Variants in DENND1A observed in about 807,000 individuals in gnomAD.
DENND1A encodes DENN domain-containing protein 1A.
Under a neutral mutation model 113.7 loss-of-function variants are expected in DENND1A, and 51 were observed. The ratio of observed to expected loss-of-function variants is 0.45; its 90% confidence interval spans 0.36 to 0.57. DENND1A has a LOEUF of 0.57. DENND1A is among the 20% of genes least tolerant of loss of function. DENND1A has a pLI of 0.00. For synonymous variants in DENND1A, 565 were observed against 570.8 expected, an observed-to-expected ratio of 0.99 and a Z score of 0.14; for missense variants, 1,258 against 1,395.9, an observed-to-expected ratio of 0.90 and a Z score of 1.57.
intron 9 of DENND1A, 107 bp downstream of exon 9, chr9:123,651,906 G>T: frequency 1.2e-6 from 1 of 829,094 alleles, no homozygotes; most frequent in Non-Finnish European, 1.8e-6. Context: ...TGCCATATAA[G>T]GGGACTGTAG....
At chr9:123,845,783 CAG>C (rs1055978948) in intron 2 of DENND1A, among the ~76,000 whole-genome samples, 1 of 146,664 alleles carries the variant, frequency 6.8e-6, no homozygotes, top group Admixed American at 6.7e-5. Context: ...GAAGAAAACA[CAG>C]AAATAAATCA....
intron 13 of DENND1A, among the ~76,000 whole-genome samples, chr9:123,514,237 A>C (rs1215467480): frequency 6.6e-6 from 1 of 151,984 alleles, no homozygotes; most frequent in Admixed American, 6.6e-5. Context: ...AATGCACCAC[A>C]TGGAATGGTC....
intron 5 of DENND1A, among the ~76,000 whole-genome samples, chr9:123,718,157 A>T (rs553589889): frequency 5.9e-5 from 9 of 152,344 alleles, no homozygotes; most frequent in Admixed American, 2.0e-4. Flanking sequence ...AACTTTTTCT[A>T]TTTTGGACTC....
intron 12 of DENND1A, among the ~76,000 whole-genome samples, chr9:123,570,948 G>A (rs2058323144): frequency 6.6e-6 from 1 of 152,130 alleles, no homozygotes; most frequent in Admixed American, 6.6e-5. Context: ...CTAAAAGAAG[G>A]AGTATTCTTG....
intron 21 of DENND1A, among the ~76,000 whole-genome samples, chr9:123,397,818 GAGC>G (rs1297426885): frequency 6.6e-6 from 1 of 152,218 alleles, no homozygotes; most frequent in African/African-American, 2.4e-5. Flanking sequence ...TACCTGAAAA[GAGC>G]AGATTTTGCA....
rs1380941624 is a variant in DENND1A at position 123,639,063 on chromosome 9, A to AAAG, written c.619-8588_619-8587insCTT. Among the ~76,000 whole-genome samples the AAAG allele has an allele frequency of 2.9e-3, 419 of 146,284 alleles. 1 individual carries two copies. Among genetic ancestry groups the AAAG allele is most frequent in the South Asian group, 8.4e-3 (37 of 4,426 alleles). On this transcript the variant is annotated intron_variant, in intron 9 of 23. Coordinates refer to ENST00000394215, the MANE Select transcript of DENND1A (RefSeq NM_001352964.2). ...GTAAAAAAAAAAAAAAAAAAAAAAA[A>AAAG]AAAGAAAGAAAGAAAAAAAAAGAAA...
intron 2 of DENND1A, among the ~76,000 whole-genome samples, chr9:123,846,954 C>A (rs1444369607): frequency 6.6e-6 from 1 of 152,144 alleles, no homozygotes; most frequent in African/African-American, 2.4e-5. Context: ...TTGTGAATAT[C>A]TCAAGAAACT....
intron 5 of DENND1A, among the ~76,000 whole-genome samples, chr9:123,679,522 C>T (rs1028675576): frequency 6.6e-6 from 1 of 152,190 alleles, no homozygotes; most frequent in Non-Finnish European, 1.5e-5. Flanking sequence ...TTGGCCTGAC[C>T]GGACACAACT....
In DENND1A at chr9:123,768,460, T is replaced by G. The variant is rs921633609; in HGVS notation, c.182+1054A>C. The stretch of plus-strand genomic sequence containing the variant: ...TCTAAATCACTGAAATCTTACAGGC[T>G]TTGCCTTGTTTGGGTACACTAAAAT... On this transcript the variant is annotated intron_variant, in intron 4 of 23. Transcript: ENST00000394215. Among the ~76,000 whole-genome samples the G allele has an allele frequency of 4.6e-5, 7 of 152,336 alleles. No individual in the cohort carries two copies. The East Asian group carries it at 1.2e-3, about 25-fold the overall frequency.
intron 8 of DENND1A, among the ~76,000 whole-genome samples, chr9:123,654,861 G>A (rs970724849): frequency 1.3e-5 from 2 of 152,178 alleles, no homozygotes; most frequent in African/African-American, 4.8e-5. Flanking sequence ...ACCTCGCTCA[G>A]CCGTGGGAGC....
chr9:123,756,662 C>T (rs926892967), intron 5 of DENND1A, among the ~76,000 whole-genome samples: 2 of 152,098 alleles, frequency 1.3e-5, no homozygotes, highest in African/African-American at 4.8e-5. Flanking sequence ...TATAGCAGTC[C>T]AGATTGACAG....
intron 2 of DENND1A, among the ~76,000 whole-genome samples, chr9:123,814,996 A>G (rs896793352): frequency 6.6e-6 from 1 of 152,260 alleles, no homozygotes; most frequent in African/African-American, 2.4e-5. Flanking sequence ...AATTAAAGGA[A>G]TTCCTAATGC....
intron 19 of DENND1A, among the ~76,000 whole-genome samples, chr9:123,435,102 T>A (rs1227807313): frequency 6.6e-6 from 1 of 151,734 alleles, no homozygotes; most frequent in Non-Finnish European, 1.5e-5. Context: ...GGGGAGTGTA[T>A]GTTCAGACCA....
intron 19 of DENND1A, among the ~76,000 whole-genome samples, chr9:123,412,473 C>T (rs1369085648): frequency 6.6e-6 from 1 of 152,236 alleles, no homozygotes; most frequent in Non-Finnish European, 1.5e-5. Flanking sequence ...GGACCTCTTA[C>T]AGGTCTATCT....
At chr9:123,691,605 A>G (rs937758319) in intron 5 of DENND1A, among the ~76,000 whole-genome samples, 1 of 151,352 alleles carries the variant, frequency 6.6e-6, no homozygotes, top group Non-Finnish European at 1.5e-5. Context: ...GTAGAGATGA[A>G]ACTAGAGCAG....
intron 10 of DENND1A, among the ~76,000 whole-genome samples, chr9:123,614,921 G>A (rs1223327361): frequency 2.6e-5 from 4 of 152,190 alleles, no homozygotes; most frequent in African/African-American, 9.7e-5. Flanking sequence ...AGACACAAAC[G>A]TGTAAACACA....
chr9:123,464,868 G>T (rs1429176269), intron 13 of DENND1A, among the ~76,000 whole-genome samples: 2 of 151,776 alleles, frequency 1.3e-5, no homozygotes, highest in African/African-American at 4.8e-5. Context: ...AGTTAAAAAG[G>T]CCGGGCACAA....
chr9:123,708,611 T>A lies in DENND1A; in HGVS notation c.303-31822A>T, dbSNP rs1042003157. ...CAACATATAAAATATTACAAGTATA[T>A]AAAAAATAAAAGAATATGTCATCAT... On this transcript the variant is annotated intron_variant, in intron 5 of 23. Transcript: ENST00000394215. 2.0e-5 allele frequency among the ~76,000 whole-genome samples: 3 copies of A among 152,082 alleles called. No individual in the cohort carries two copies. The East Asian group carries it at 5.8e-4, about 29-fold the overall frequency.
At chr9:123,534,844 C>T (rs572219408) in intron 13 of DENND1A, among the ~76,000 whole-genome samples, 3 of 152,132 alleles carry the variant, frequency 2.0e-5, no homozygotes, top group East Asian at 1.9e-4. Context: ...TGATCTTGGA[C>T]GCCAAGCCTT....
Sources: gnomAD v4.1 joint callset for allele counts (sites outside exome capture counted in the v4.1 genomes callset) on GRCh38, gnomAD v4.1.1 for gene constraint, MANE v1.5 for transcripts, NCBI Gene and HGNC (gene_info 2026-07-23, HGNC 2026-07-21) for gene names.